CNTNAP2: variants seen among roughly 807,000 people sequenced by gnomAD.
CNTNAP2 encodes contactin-associated protein-like 2.
In CNTNAP2, 98 loss-of-function variants were observed where a neutral mutation model predicts 155.2. The observed-to-expected ratio is 0.63, with a 90% CI of 0.54 to 0.75. The LOEUF is 0.75. CNTNAP2 is among the 30% of genes least tolerant of loss of function. The pLI is 0.00. For missense variants in CNTNAP2, 1,727 were observed against 1,688.1 expected (o/e 1.02, Z -0.40); for synonymous variants, 651 against 631.2 (o/e 1.03, Z -0.47).
chr7:147,536,310 G>A (rs1422466660), intron 11 of CNTNAP2, among the ~76,000 whole-genome samples: 1 of 152,230 alleles, frequency 6.6e-6, no homozygotes, highest in Non-Finnish European at 1.5e-5. Flanking sequence ...TGCTGCGAAT[G>A]TGCCAGTGAG....
intron 1 of CNTNAP2, among the ~76,000 whole-genome samples, chr7:146,614,550 T>G (rs1799193006): frequency 1.3e-5 from 2 of 152,194 alleles, no homozygotes; most frequent in African/African-American, 2.4e-5. Context: ...AGGGCCACAA[T>G]CATGTCTGCT....
At chr7:147,729,677 G>T (rs1383110176) in intron 13 of CNTNAP2, among the ~76,000 whole-genome samples, 1 of 152,104 alleles carries the variant, frequency 6.6e-6, no homozygotes, top group African/African-American at 2.4e-5. Context: ...ATGAGGAGCA[G>T]TGAGGGTAAT....
intron 21 of CNTNAP2, among the ~76,000 whole-genome samples, chr7:148,331,664 TGGATGGAGTGGATGGATGGAATGGAC>T (rs1563045860): frequency 6.8e-5 from 10 of 146,144 alleles, no homozygotes; most frequent in African/African-American, 1.0e-4. Context: ...ATGGAGTGGA[TGGATGGAGTGGATGGATGGAATGGAC>T]GGATGGAGTG....
chr7:148,233,871 T>G (rs563057380), intron 20 of CNTNAP2, among the ~76,000 whole-genome samples: 5 of 152,314 alleles, frequency 3.3e-5, no homozygotes, highest in African/African-American at 1.2e-4. Flanking sequence ...TCCCCCTAGA[T>G]GTTCTTGTGA....
At chr7:147,946,644 A>G (rs1279585273) in intron 14 of CNTNAP2, among the ~76,000 whole-genome samples, 1 of 151,938 alleles carries the variant, frequency 6.6e-6, no homozygotes, top group Non-Finnish European at 1.5e-5. Context: ...TTTCTTGGCG[A>G]GAAATAGTCG....
chr7:146,575,437 A>G (rs554780252), intron 1 of CNTNAP2, among the ~76,000 whole-genome samples: 2 of 152,282 alleles, frequency 1.3e-5, no homozygotes, highest in Admixed American at 1.3e-4. Context: ...TTAAAAAGCT[A>G]ACACTTTTTA....
chr7:147,946,523 A>G (rs1434075564), intron 14 of CNTNAP2, among the ~76,000 whole-genome samples: 1 of 152,160 alleles, frequency 6.6e-6, no homozygotes, highest in East Asian at 1.9e-4. Context: ...AAACTTTAGC[A>G]GAAGTGGGTC....
intron 13 of CNTNAP2, among the ~76,000 whole-genome samples, chr7:147,641,042 A>C (rs930824911): frequency 4.6e-5 from 7 of 152,180 alleles, no homozygotes; most frequent in Non-Finnish European, 1.0e-4. Context: ...GAGGGCAAGG[A>C]AGAACAGGGC....
In CNTNAP2 at chr7:146,566,960, A is replaced by G. The variant is rs111508650; in HGVS notation, c.98-207311A>G. On this transcript the variant is annotated intron_variant, in intron 1 of 23. Transcript: ENST00000361727. Reference sequence around the variant, plus strand: ...TTACTTATTTATTTTTTATTTTTTAATGAACTTATGGCTTCTACTTTCATA... The same window carrying G: ...TTACTTATTTATTTTTTATTTTTTAGTGAACTTATGGCTTCTACTTTCATA... 9.9e-3 allele frequency among the ~76,000 whole-genome samples: 1,507 copies of G among 152,252 alleles called. 22 individuals carry two copies. Among genetic ancestry groups the G allele is most frequent in the African/African-American group, 0.032 (1,330 of 41,540 alleles).
chr7:147,589,448 A>G (rs1800697549), intron 12 of CNTNAP2, among the ~76,000 whole-genome samples: 1 of 152,160 alleles, frequency 6.6e-6, no homozygotes, highest in Non-Finnish European at 1.5e-5. Context: ...AATATGCTGA[A>G]CTTATGGTCC....
intron 8 of CNTNAP2, among the ~76,000 whole-genome samples, chr7:147,216,006 G>C (rs1167136563): frequency 6.6e-6 from 1 of 151,828 alleles, no homozygotes; most frequent in East Asian, 1.9e-4. Context: ...GTCTGTTAAG[G>C]GTTTTGGTCC....
chr7:148,354,623 A>G (rs1470304086), intron 21 of CNTNAP2, among the ~76,000 whole-genome samples: 1 of 151,144 alleles, frequency 6.6e-6, no homozygotes, highest in East Asian at 1.9e-4. Context: ...GGGAGGAAGC[A>G]CTTCCTCTCT....
chr7:148,199,253 C>T (rs1027602129), intron 18 of CNTNAP2, among the ~76,000 whole-genome samples: 1 of 152,296 alleles, frequency 6.6e-6, no homozygotes, highest in Admixed American at 6.5e-5. Flanking sequence ...TGTCTAATAA[C>T]AAGAAGTGAC....
chr7:147,615,310 A>T (rs13244823), intron 12 of CNTNAP2, among the ~76,000 whole-genome samples: 1 of 115,384 alleles, frequency 8.7e-6, no homozygotes, highest in African/African-American at 3.4e-5. Flanking sequence ...AAAAAAAAAA[A>T]GACTACATCT....
chr7:148,086,459 A>G (rs1803730960), intron 15 of CNTNAP2, among the ~76,000 whole-genome samples: 1 of 152,222 alleles, frequency 6.6e-6, no homozygotes, highest in Non-Finnish European at 1.5e-5. Context: ...ATTGAAATAA[A>G]AATTTTGATG....
intron 11 of CNTNAP2, among the ~76,000 whole-genome samples, chr7:147,489,403 T>G (rs933864199): frequency 3.3e-5 from 5 of 152,168 alleles, no homozygotes; most frequent in African/African-American, 1.2e-4. Flanking sequence ...AGAGGCAAGT[T>G]TGTTACAAAA....
chr7:146,750,087 T>C (rs997995109), intron 1 of CNTNAP2, among the ~76,000 whole-genome samples: 1 of 152,192 alleles, frequency 6.6e-6, no homozygotes, highest in Non-Finnish European at 1.5e-5. Context: ...ATTCATCTAG[T>C]AGCATAGAGC....
chr7:147,649,673 A>G (rs1478875730), intron 13 of CNTNAP2, among the ~76,000 whole-genome samples: 1 of 152,110 alleles, frequency 6.6e-6, no homozygotes, highest in Admixed American at 6.5e-5. Flanking sequence ...AAAAGACCAT[A>G]AAGCCAAGTT....
intron 14 of CNTNAP2, among the ~76,000 whole-genome samples, chr7:147,967,801 C>T (rs1801248369): frequency 6.6e-6 from 1 of 152,128 alleles, no homozygotes; most frequent in Non-Finnish European, 1.5e-5. Context: ...TAGGGTTTGC[C>T]TTTGCAAATC....
Sources: gnomAD v4.1 joint callset for allele counts (sites outside exome capture counted in the v4.1 genomes callset) on GRCh38, gnomAD v4.1.1 for gene constraint, MANE v1.5 for transcripts, NCBI Gene and HGNC (gene_info 2026-07-23, HGNC 2026-07-21) for gene names.